Variants in GRK3 observed in about 807,000 individuals in gnomAD.
GRK3 encodes adrenergic, beta, receptor kinase 2.
In GRK3, 54 loss-of-function variants were observed where a neutral mutation model predicts 95.7. That is an observed-to-expected ratio of 0.56 (90% CI 0.45 to 0.71). The LOEUF (loss-of-function observed/expected upper bound fraction) is 0.71, where lower values mean the gene tolerates loss of function less well. GRK3 is among the 30% of genes least tolerant of loss of function. The probability of loss-of-function intolerance (pLI) is 0.00; values close to 1 mark genes in which losing one functional copy is unlikely to be tolerated. For missense variants in GRK3, 649 were observed against 851.2 expected (o/e 0.76, Z 2.96); for synonymous variants, 281 against 290.8 (o/e 0.97, Z 0.34).
intron 13 of GRK3, chr22:25,702,737 G>A (rs1475976568): frequency 1.3e-5 from 6 of 450,366 alleles, no homozygotes; most frequent in Non-Finnish European, 2.7e-5. Flanking sequence ...ACTGTATTAG[G>A]TACCTACCGT....
At position 25,677,430 on chromosome 22, in the gene GRK3, A is replaced by G. The variant is rs567792187; in HGVS notation, c.648-1386A>G. ...AAGGAAAAAAAAAGAAAAGAAATCA[A>G]CTCCACATGGAAGAGAGTGGTGATA... On this transcript the variant is annotated intron_variant, in intron 8 of 20. Coordinates refer to ENST00000324198, the MANE Select transcript of GRK3 (RefSeq NM_005160.4). 4.0e-5 allele frequency among the ~76,000 whole-genome samples: 6 copies of G among 151,526 alleles called. No individual in the cohort carries two copies. The South Asian group carries it at 8.4e-4, about 21-fold the overall frequency.
chr22:25,716,520 T>C (rs549121687), intron 18 of GRK3, among the ~76,000 whole-genome samples: 1 of 152,282 alleles, frequency 6.6e-6, no homozygotes, highest in East Asian at 1.9e-4. Flanking sequence ...AATGAATTTA[T>C]CTTCCTGTGT....
At chr22:25,625,319 A>G (rs1294399864) in intron 2 of GRK3, among the ~76,000 whole-genome samples, 1 of 152,228 alleles carries the variant, frequency 6.6e-6, no homozygotes, top group Non-Finnish European at 1.5e-5. Flanking sequence ...CTCTGCAATC[A>G]TAACCTAGGA....
chr22:25,668,505 C>A (rs906196820), intron 6 of GRK3, among the ~76,000 whole-genome samples: 2 of 152,210 alleles, frequency 1.3e-5, no homozygotes, highest in Non-Finnish European at 2.9e-5. Context: ...GTTTTCTTCA[C>A]CACATATTCA....
intron 2 of GRK3, among the ~76,000 whole-genome samples, chr22:25,634,252 G>C (rs1212847419): frequency 6.6e-6 from 1 of 152,172 alleles, no homozygotes; most frequent in Non-Finnish European, 1.5e-5. Flanking sequence ...GAAAAGTTAA[G>C]ATGCAAGGTC....
intron 6 of GRK3, among the ~76,000 whole-genome samples, chr22:25,671,242 A>T (rs1333715650): frequency 6.6e-6 from 1 of 152,054 alleles, no homozygotes; most frequent in Non-Finnish European, 1.5e-5. Flanking sequence ...CCGGAGGCTG[A>T]GGCAGAAGAA....
Position 25,678,870 on chromosome 22 carries a change from A to T in GRK3, c.702A>T (p.Thr234=). ...GGATCAAAATGAAACAAGGAGAAAC[A>T]TTAGCCTTAAATGAAAGAATCATGT... ...KKRIKMKQGE[T]LALNERIMLS... The change falls in exon 9 of 21, where the codon ACA becomes ACT. Residue 234 remains threonine, a synonymous_variant. Transcript: ENST00000324198. 6.2e-7 allele frequency: 1 copy of T among 1,609,564 alleles called. No homozygotes were observed. Among genetic ancestry groups the T allele is most frequent in the Non-Finnish European group, 8.5e-7 (1 of 1,177,218 alleles).
rs1344180568 is a variant in GRK3 at position 25,564,772 on chromosome 22, G to A, written c.-269G>A. On this transcript the variant is annotated 5_prime_UTR_variant, in exon 1 of 21. Coordinates refer to ENST00000324198, the MANE Select transcript of GRK3 (RefSeq NM_005160.4). ...CGCTCCCCGCAGACCCTCGCTGAAG[G>A]AGCAGGGGGCGGCGCGCGTGCGCGG... 1 of 150,698 alleles carries A rather than the reference G, an allele frequency of 6.6e-6. No homozygotes were observed. Among genetic ancestry groups the A allele is most frequent in the Admixed American group, 6.6e-5 (1 of 15,140 alleles). The allele number at this position is 150,698 out of a possible 1,614,324, so 9.3% of individuals were successfully genotyped here. A position where few individuals can be genotyped will look rare whatever the true frequency, so the allele number is the denominator to read the frequency against.
At chr22:25,703,796 A>G (rs1299474679) in intron 14 of GRK3, among the ~76,000 whole-genome samples, 2 of 152,246 alleles carry the variant, frequency 1.3e-5, no homozygotes, top group Admixed American at 6.5e-5. Flanking sequence ...GGCAAAAATC[A>G]GGATTTACTA....
rs369863424 is a variant in GRK3 at position 25,573,685 on chromosome 22, G to T, written c.113+8532G>T. Among the ~76,000 whole-genome samples the T allele has an allele frequency of 3.3e-5, 5 of 152,090 alleles. No individual in the cohort carries two copies. The East Asian group carries it at 5.8e-4, about 18-fold the overall frequency. ...AGGCTGAGGCAGGTGAATCACCTGAGGTCAGGAGTTCAAGATCAGCCTGAC... is the reference window on the plus strand; with the variant it reads ...AGGCTGAGGCAGGTGAATCACCTGATGTCAGGAGTTCAAGATCAGCCTGAC... On this transcript the variant is annotated intron_variant, in intron 1 of 20. Coordinates refer to ENST00000324198, the MANE Select transcript of GRK3 (RefSeq NM_005160.4).
chr22:25,694,862 C>T lies in GRK3; in HGVS notation c.1053-245C>T, dbSNP rs189362068. The stretch of plus-strand genomic sequence containing the variant: ...GAGTAGAGAAGGACTAATGAGATCC[C>T]GAACTTGCATTTTACATATTTATTT... On this transcript the variant is annotated intron_variant, in intron 12 of 20. Coordinates refer to ENST00000324198, the MANE Select transcript of GRK3 (RefSeq NM_005160.4). Among the ~76,000 whole-genome samples the T allele has an allele frequency of 9.2e-5, 14 of 152,294 alleles. No individual in the cohort carries two copies. The East Asian group carries it at 1.9e-3, about 21-fold the overall frequency.
chr22:25,696,776 C>T (rs2085212329), intron 13 of GRK3, among the ~76,000 whole-genome samples: 1 of 152,220 alleles, frequency 6.6e-6, no homozygotes, highest in African/African-American at 2.4e-5. Context: ...TCCAGTTGCT[C>T]TCTACTTTGC....
intron 7 of GRK3, among the ~76,000 whole-genome samples, chr22:25,673,553 G>A (rs1447207943): frequency 6.6e-6 from 1 of 151,818 alleles, no homozygotes; most frequent in Non-Finnish European, 1.5e-5. Context: ...TCTGCCTCGG[G>A]AGACCCTGTG....
intron 1 of GRK3, 52 bp downstream of exon 1, chr22:25,565,205 G>A: frequency 3.0e-6 from 3 of 989,756 alleles, no homozygotes; most frequent in Middle Eastern, 2.9e-4. Context: ...CCCTGCGGCC[G>A]CCAGCTACCC....
intron 11 of GRK3, among the ~76,000 whole-genome samples, chr22:25,687,921 A>G (rs1176840836): frequency 2.6e-5 from 4 of 152,164 alleles, no homozygotes; most frequent in African/African-American, 9.7e-5. Flanking sequence ...ACTAAGCCAA[A>G]TATTTAGTTG....
rs1314005011 is a variant in GRK3 at position 25,644,617 on chromosome 22, T to C, written c.216T>C (p.Cys72=). 4 of 1,574,284 alleles carry C rather than the reference T, an allele frequency of 2.5e-6. No homozygotes were observed. Among genetic ancestry groups the C allele is most frequent in the Non-Finnish European group, 3.5e-6 (4 of 1,149,702 alleles). ...GTTTCTTGCTATTTAAAGATTTTTG[T>C]TTGAATGAAATTAATGAAGCTGTAC... ...KIGFLLFKDF[C]LNEINEAVPQ... The change falls in exon 3 of 21, where the codon TGT becomes TGC. Residue 72 remains cysteine (C), a synonymous_variant. Coordinates refer to ENST00000324198, the MANE Select transcript of GRK3 (RefSeq NM_005160.4).
At chr22:25,596,347 A>C (rs1472432917) in intron 1 of GRK3, among the ~76,000 whole-genome samples, 2 of 152,242 alleles carry the variant, frequency 1.3e-5, no homozygotes, top group African/African-American at 4.8e-5. Flanking sequence ...GTGATCTATG[A>C]ATAGAGTTTA....
chr22:25,666,615 C>T (rs910017609), intron 5 of GRK3, among the ~76,000 whole-genome samples: 4 of 152,080 alleles, frequency 2.6e-5, no homozygotes, highest in South Asian at 2.1e-4. Flanking sequence ...GCCAGGCTAG[C>T]GTCCTTTCTG....
At chr22:25,573,524 A>C (rs1931779890) in intron 1 of GRK3, among the ~76,000 whole-genome samples, 1 of 152,246 alleles carries the variant, frequency 6.6e-6, no homozygotes, top group Admixed American at 6.5e-5. Context: ...GCACTGTATA[A>C]TTCTTAGACA....
Sources: gnomAD v4.1 joint callset for allele counts (sites outside exome capture counted in the v4.1 genomes callset) on GRCh38, gnomAD v4.1.1 for gene constraint, MANE v1.5 for transcripts, NCBI Gene and HGNC (gene_info 2026-07-23, HGNC 2026-07-21) for gene names.